The following NPY2R variants were observed in gnomAD, a reference collection of about 807,000 sequenced individuals.
The protein encoded by NPY2R is neuropeptide Y receptor Y2.
A neutral mutation model predicts 22.3 loss-of-function variants in NPY2R; 17 were observed. The observed-to-expected ratio is 0.76, with a 90% CI of 0.52 to 1.14. The LOEUF (loss-of-function observed/expected upper bound fraction) is 1.14, where lower values mean the gene tolerates loss of function less well. Ranked by LOEUF, NPY2R falls within the 50% of genes most tolerant of loss-of-function variation. NPY2R has a pLI of 0.00. For synonymous variants in NPY2R, 209 were observed against 183.4 expected (o/e 1.14, Z -1.13); for missense variants, 424 against 467.9 (o/e 0.91, Z 0.87).
At chr4:155,184,821 A>G in the NPY2R span, among the ~76,000 whole-genome samples, 30 of 152,078 alleles carry the variant, frequency 2.0e-4, no homozygotes, top group East Asian at 5.6e-3. Flanking sequence ...CTATGCAAGT[A>G]ACTGTATTGT....
chr4:155,178,823 C>G, the NPY2R span, among the ~76,000 whole-genome samples: 1 of 152,020 alleles, frequency 6.6e-6, no homozygotes, highest in Non-Finnish European at 1.5e-5. Context: ...ATTTGGAAAC[C>G]CTGCAGATAT....
At chr4:155,205,197 T>A (rs1729257071), upstream of NPY2R, among the ~76,000 whole-genome samples, 1 of 152,182 alleles carries the variant, frequency 6.6e-6, no homozygotes, top group Admixed American at 6.5e-5. Flanking sequence ...TAACCACATA[T>A]GTCTAGTGGC....
upstream of NPY2R, among the ~76,000 whole-genome samples, chr4:155,204,764 C>T (rs1467809814): frequency 1.3e-5 from 2 of 150,378 alleles, no homozygotes; most frequent in African/African-American, 4.9e-5. Flanking sequence ...GATTTTACAC[C>T]AATATGCTGA....
chr4:155,206,576 C>T (rs1210118712), upstream of NPY2R: 1 of 152,168 alleles, frequency 6.6e-6, no homozygotes, highest in Non-Finnish European at 1.5e-5. Context: ...ATCATAGAGA[C>T]CATTTACTCT....
At chr4:155,175,857 G>A in the NPY2R span, among the ~76,000 whole-genome samples, 1 of 152,040 alleles carries the variant, frequency 6.6e-6, no homozygotes, top group South Asian at 2.1e-4. Context: ...AAGAGAGGGA[G>A]GGAGAGAGAG....
chr4:155,205,029 T>C (rs1224518154), upstream of NPY2R, among the ~76,000 whole-genome samples: 2 of 152,264 alleles, frequency 1.3e-5, no homozygotes, highest in Non-Finnish European at 2.9e-5. Context: ...TCCATTTGTG[T>C]TTGGGTGAAA....
rs1447755887 is a variant in NPY2R, at chr4:155,215,975, A to G, written c.*890A>G. 1 of 167,078 alleles carries G rather than the reference A, an allele frequency of 6.0e-6. No homozygotes were observed. Among genetic ancestry groups the G allele is most frequent in the Non-Finnish European group, 1.5e-5 (1 of 68,120 alleles). 10.3% of individuals were successfully genotyped at this position (167,078 alleles called of 1,614,324 possible). On this transcript the variant is annotated 3_prime_UTR_variant, in exon 2 of 2. Coordinates refer to ENST00000329476, the MANE Select transcript of NPY2R (RefSeq NM_000910.4). ...TCTACACTAAAATTTAAATCAGACT[A>G]GAGAATAATTTTTGTGGCATGTTGT...
At chr4:155,187,689 T>C in the NPY2R span, among the ~76,000 whole-genome samples, 2 of 152,154 alleles carry the variant, frequency 1.3e-5, no homozygotes, top group Non-Finnish European at 2.9e-5. Context: ...ACATGGTTCA[T>C]ACAAATATAA....
chr4:155,214,724 G>A lies in NPY2R; in HGVS notation c.785G>A (p.Arg262Gln), dbSNP rs764371059. Reference protein sequence around the residue: ...PGAANDHYHQRRQKTTKMLVC... With the variant: ...PGAANDHYHQQRQKTTKMLVC... ...GCTGCAAATGACCACTACCATCAGCGAAGGCAAAAAACCACCAAAATGCTG... is the reference window on the plus strand; with the variant it reads ...GCTGCAAATGACCACTACCATCAGCAAAGGCAAAAAACCACCAAAATGCTG... Residue 262 changes from arginine (R) to glutamine (Q), a missense_variant, in exon 2 of 2, where the codon CGA (arginine) becomes CAA (glutamine). Physicochemically the swap from Arg to Gln is conservative, Grantham distance 43 (BLOSUM62 1). Coordinates refer to ENST00000329476, the MANE Select transcript of NPY2R (RefSeq NM_000910.4). The A allele has an allele frequency of 1.1e-5, 17 of 1,614,160 alleles. No homozygotes were observed. Among genetic ancestry groups the A allele is most frequent in the Non-Finnish European group, 1.4e-5 (16 of 1,180,022 alleles).
the NPY2R span, among the ~76,000 whole-genome samples, chr4:155,202,722 A>C: frequency 2.6e-5 from 4 of 152,160 alleles, no homozygotes; most frequent in Non-Finnish European, 5.9e-5. Flanking sequence ...ATTTAGCATG[A>C]GAAAGAGCTT....
In NPY2R at chr4:155,208,939, G is replaced by A. The variant is rs1314990887; in HGVS notation, c.-179G>A. On this transcript the variant is annotated 5_prime_UTR_variant, in exon 1 of 2. Transcript: ENST00000329476. This position sits in a 1 kb window ranked among gnomAD's most constrained non-coding sequence, Gnocchi z 5.6. Reference sequence around the variant, plus strand: ...GCGGCGCGGGCTGTCCTGGACCCTAGGAGGGGACGGAACCGGACTTGCCTT... The same window carrying A: ...GCGGCGCGGGCTGTCCTGGACCCTAAGAGGGGACGGAACCGGACTTGCCTT... 1 of 152,180 alleles carries A rather than the reference G, an allele frequency of 6.6e-6. No homozygotes were observed. Among genetic ancestry groups the A allele is most frequent in the Admixed American group, 6.5e-5 (1 of 15,288 alleles). The allele number at this position is 152,180 out of a possible 1,614,324, so 9.4% of individuals were successfully genotyped here. A position where few individuals can be genotyped will look rare whatever the true frequency, so the allele number is the denominator to read the frequency against.
the NPY2R span, among the ~76,000 whole-genome samples, chr4:155,176,371 T>C: frequency 3.3e-5 from 5 of 152,194 alleles, no homozygotes; most frequent in African/African-American, 9.6e-5. Context: ...TTGAACTCTG[T>C]TGGCTTTCTT....
At chr4:155,181,314 C>A in the NPY2R span, among the ~76,000 whole-genome samples, 1 of 152,128 alleles carries the variant, frequency 6.6e-6, no homozygotes, top group Admixed American at 6.6e-5. Flanking sequence ...TTCCAAGAAA[C>A]CCTCACACAT....
rs928254706 is a variant in NPY2R at position 155,215,449 on chromosome 4, G to A, written c.*364G>A. 4.0e-5 allele frequency: 15 copies of A among 372,028 alleles called. No individual in the cohort carries two copies. Among genetic ancestry groups the A allele is most frequent in the Admixed American group, 2.7e-4 (7 of 25,642 alleles). The allele number at this position is 372,028 out of a possible 1,614,324, so 23.0% of individuals were successfully genotyped here. ...GAAAATAAGTTGACTTTCAAATCACGTTAGGACCTGGATTGAGGAGGTGTG... is the reference window on the plus strand; with the variant it reads ...GAAAATAAGTTGACTTTCAAATCACATTAGGACCTGGATTGAGGAGGTGTG... On this transcript the variant is annotated 3_prime_UTR_variant, in exon 2 of 2. Coordinates refer to ENST00000329476, the MANE Select transcript of NPY2R (RefSeq NM_000910.4).
Position 155,214,579 on chromosome 4 carries a change from A to G in NPY2R, c.640A>G (p.Ile214Val). 1 of 1,614,212 alleles carries G rather than the reference A, an allele frequency of 6.2e-7. No individual in the cohort carries two copies. The highest frequency in any genetic ancestry group is 8.5e-7 in the Non-Finnish European group (1 of 1,180,036). ...AAAGTGGCCTGGCGAGGAGAAGAGC[A>G]TCTATGGCACTGTCTATAGTCTTTC... is the stretch of plus-strand genomic sequence containing the variant. ...TEKWPGEEKS[I>V]YGTVYSLSSL... Residue 214 changes from isoleucine (I) to valine (V), a missense_variant, in exon 2 of 2, where the codon ATC (isoleucine) becomes GTC (valine). Physicochemically the swap from Ile to Val is conservative, Grantham distance 29. Coordinates refer to ENST00000329476, the MANE Select transcript of NPY2R (RefSeq NM_000910.4).
At chr4:155,204,182 C>A (rs1385047685), upstream of NPY2R, among the ~76,000 whole-genome samples, 4 of 150,892 alleles carry the variant, frequency 2.7e-5, no homozygotes, top group East Asian at 7.7e-4. Flanking sequence ...TCTCAGGGAC[C>A]GCTGATATTA....
the NPY2R span, among the ~76,000 whole-genome samples, chr4:155,182,214 A>C: frequency 6.6e-6 from 1 of 152,142 alleles, no homozygotes; most frequent in Non-Finnish European, 1.5e-5. Context: ...CACCACCACC[A>C]AAAGGAAAAG....
chr4:155,213,594 C>T (rs563666459), intron 1 of NPY2R, among the ~76,000 whole-genome samples: 24 of 152,198 alleles, frequency 1.6e-4, no homozygotes, highest in Middle Eastern at 3.4e-3. Flanking sequence ...TGAAATTAAT[C>T]CATTTGATAG....
chr4:155,214,387 A>C lies in NPY2R; in HGVS notation c.448A>C (p.Arg150=). The change falls in exon 2 of 2, where the codon AGG becomes CGG. Residue 150 remains arginine (R), a synonymous_variant. Coordinates refer to ENST00000329476, the MANE Select transcript of NPY2R (RefSeq NM_000910.4). The stretch of plus-strand genomic sequence containing the variant: ...GACAGTAATTGCCCTGGACCGGCAC[A>C]GGTGCATCGTCTACCACCTAGAGAG... The part of the protein sequence containing the change: ...TLTVIALDRH[R]CIVYHLESKI... The C allele has an allele frequency of 6.2e-7, 1 of 1,614,134 alleles. No homozygotes were observed. Among genetic ancestry groups the C allele is most frequent in the East Asian group, 2.2e-5 (1 of 44,862 alleles).
Sources: gnomAD v4.1 joint callset for allele counts (sites outside exome capture counted in the v4.1 genomes callset) on GRCh38, gnomAD v4.1.1 for gene constraint, Gnocchi (gnomAD v3.1) non-coding constraint, MANE v1.5 for transcripts, NCBI Gene and HGNC (gene_info 2026-07-23, HGNC 2026-07-21) for gene names.